The following MAPK8 variants were observed in gnomAD, a reference collection of about 807,000 sequenced individuals.
MAPK8 encodes the protein JUN N-terminal kinase.
In MAPK8, 13 loss-of-function variants were observed where a neutral mutation model predicts 52.9. That is an observed-to-expected ratio of 0.25 (90% CI 0.16 to 0.39). The LOEUF (loss-of-function observed/expected upper bound fraction) is 0.39, where lower values mean the gene tolerates loss of function less well. Ranked by LOEUF, MAPK8 falls within the 10% of genes least tolerant of loss-of-function variation. The pLI is 1.00. For synonymous variants in MAPK8, 191 were observed against 169.8 expected, an observed-to-expected ratio of 1.12 and a Z score of -0.97; for missense variants, 300 against 519.2, an observed-to-expected ratio of 0.58 and a Z score of 4.10.
chr10:48,409,944 G>T lies in MAPK8; in HGVS notation c.311+7G>T, dbSNP rs1474184596. 6.2e-7 allele frequency: 1 copy of T among 1,610,290 alleles called. No homozygotes were observed. Among genetic ancestry groups the T allele is most frequent in the Non-Finnish European group, 8.5e-7 (1 of 1,177,484 alleles). On this transcript the variant is annotated splice_region_variant and intron_variant, in intron 4 of 11. Coordinates refer to ENST00000374189, the MANE Select transcript of MAPK8 (RefSeq NM_001323329.2). ...TAGAAGAATTTCAAGATGTGTAAGT[G>T]TAATAATTAAAATTTTGTTAAGTTA...
intron 3 of MAPK8, among the ~76,000 whole-genome samples, chr10:48,407,476 A>C (rs117253349): frequency 0.01 from 1,566 of 152,346 alleles, 18 homozygotes; most frequent in Non-Finnish European, 0.016. Flanking sequence ...CTTCTTTTGA[A>C]GTAGTTATAT....
intron 1 of MAPK8, among the ~76,000 whole-genome samples, chr10:48,372,738 G>T (rs893005695): frequency 1.3e-5 from 2 of 151,994 alleles, no homozygotes; most frequent in African/African-American, 4.8e-5. Flanking sequence ...TATGTGAAAA[G>T]ACCAAATCTA....
At chr10:48,323,064 C>T (rs1331391250) in intron 1 of MAPK8, among the ~76,000 whole-genome samples, 1 of 151,858 alleles carries the variant, frequency 6.6e-6, no homozygotes, top group East Asian at 1.9e-4. Flanking sequence ...TTCAGTTTTT[C>T]CTGAGGGTAA....
At chr10:48,386,424 T>C (rs997894741) in intron 1 of MAPK8, among the ~76,000 whole-genome samples, 2 of 152,234 alleles carry the variant, frequency 1.3e-5, no homozygotes, top group Admixed American at 6.5e-5. Context: ...GGAAATAGTA[T>C]ATTCTTACAA....
At chr10:48,362,620 C>A (rs1847639109) in intron 1 of MAPK8, among the ~76,000 whole-genome samples, 1 of 151,828 alleles carries the variant, frequency 6.6e-6, no homozygotes, top group Admixed American at 6.6e-5. Context: ...AGCGATCTTA[C>A]CACTAATTTA....
intron 10 of MAPK8, among the ~76,000 whole-genome samples, chr10:48,428,012 A>T (rs1208458610): frequency 3.9e-5 from 6 of 152,166 alleles, no homozygotes; most frequent in Non-Finnish European, 7.3e-5. Flanking sequence ...CTGGAAGGAG[A>T]TGTTCTGAGC....
At chr10:48,323,481 A>G (rs1393360158) in intron 1 of MAPK8, among the ~76,000 whole-genome samples, 4 of 152,250 alleles carry the variant, frequency 2.6e-5, no homozygotes, top group African/African-American at 4.8e-5. Context: ...CGCAGCCAGT[A>G]GTATGTAAGG....
In MAPK8 at chr10:48,393,425, A is replaced by G. The variant is rs545807822; in HGVS notation, c.-49-8187A>G. Reference sequence around the variant, plus strand: ...ACCCCTTACATTGTAACCATAGTCAATTAATCATTCTAAGATTCAGTTTCA... The same window carrying G: ...ACCCCTTACATTGTAACCATAGTCAGTTAATCATTCTAAGATTCAGTTTCA... On this transcript the variant is annotated intron_variant, in intron 1 of 11. Transcript: ENST00000374189. Among the ~76,000 whole-genome samples, 7 of 152,286 alleles carry G rather than the reference A, an allele frequency of 4.6e-5. No individual in the cohort carries two copies. In the South Asian group the frequency reaches 1.5e-3, roughly 32 times the overall value.
intron 10 of MAPK8, chr10:48,430,096 T>C (rs2044069391): frequency 6.6e-6 from 1 of 152,332 alleles, no homozygotes; most frequent in East Asian, 1.9e-4. Context: ...TTGTTTGTTT[T>C]TGTTTTTTTG....
intron 3 of MAPK8, among the ~76,000 whole-genome samples, chr10:48,409,530 G>A (rs1470306892): frequency 6.6e-6 from 1 of 152,276 alleles, no homozygotes; most frequent in African/African-American, 2.4e-5. Context: ...AAAGGGCTGA[G>A]ATTATATAGA....
At chr10:48,348,721 C>G (rs571303783) in intron 1 of MAPK8, among the ~76,000 whole-genome samples, 6 of 152,032 alleles carry the variant, frequency 3.9e-5, no homozygotes, top group Non-Finnish European at 7.4e-5. Flanking sequence ...ATTTCTGAGG[C>G]CTCTGTTCTG....
intron 1 of MAPK8, among the ~76,000 whole-genome samples, chr10:48,338,822 GACAC>G (rs60922989): frequency 1.3e-4 from 19 of 151,454 alleles, no homozygotes; most frequent in Admixed American, 5.3e-4. Flanking sequence ...ATTTACAATA[GACAC>G]ACACAAACAC....
chr10:48,424,280 C>A, intron 7 of MAPK8, 121 bp downstream of exon 7: 1 of 920,814 alleles, frequency 1.1e-6, no homozygotes, highest in Non-Finnish European at 1.6e-6. Context: ...AAGTTTGTGG[C>A]TATTATAGTT....
At chr10:48,336,099 A>G (rs557007735) in intron 1 of MAPK8, among the ~76,000 whole-genome samples, 1 of 152,310 alleles carries the variant, frequency 6.6e-6, no homozygotes, top group African/African-American at 2.4e-5. Flanking sequence ...TTGACGGTCA[A>G]GATTTATGTA....
intron 10 of MAPK8, among the ~76,000 whole-genome samples, chr10:48,429,257 C>T (rs2043968652): frequency 6.6e-6 from 1 of 152,146 alleles, no homozygotes; most frequent in South Asian, 2.1e-4. Context: ...TGTACAGCAC[C>T]ATTGGTTATA....
rs568887073 is a variant in MAPK8 at position 48,428,088 on chromosome 10, C to G, written c.1060+945C>G. Among the ~76,000 whole-genome samples, 3 of 152,198 alleles carry G rather than the reference C, an allele frequency of 2.0e-5. No individual in the cohort carries two copies. In the East Asian group the frequency reaches 5.8e-4, roughly 29 times the overall value. ...AAATGGTAGTAGTGTACACTTCCGTCCATGTTATATAGGAGTCTCTCTTTG... is the reference window on the plus strand; with the variant it reads ...AAATGGTAGTAGTGTACACTTCCGTGCATGTTATATAGGAGTCTCTCTTTG... On this transcript the variant is annotated intron_variant, in intron 10 of 11. Coordinates refer to ENST00000374189, the MANE Select transcript of MAPK8 (RefSeq NM_001323329.2).
At chr10:48,366,731 C>A (rs1459673818) in intron 1 of MAPK8, among the ~76,000 whole-genome samples, 1 of 152,130 alleles carries the variant, frequency 6.6e-6, no homozygotes, top group Non-Finnish European at 1.5e-5. Context: ...CATGGCCCAT[C>A]GGTGTGTTGG....
chr10:48,434,866 T>G lies in MAPK8; in HGVS notation c.1139-18T>G, dbSNP rs1465390848. On this transcript the variant is annotated intron_variant, in intron 11 of 11. Transcript: ENST00000374189. ...AGCTGTCTGCAACTGATTTGCTGTT[T>G]TGTTTCTCATAGCACAGGTGCAGCA... The G allele has an allele frequency of 1.9e-6, 3 of 1,590,864 alleles. No individual in the cohort carries two copies. Among genetic ancestry groups the G allele is most frequent in the East Asian group, 2.3e-5 (1 of 43,610 alleles).
chr10:48,325,336 A>T (rs1843408876), intron 1 of MAPK8, among the ~76,000 whole-genome samples: 1 of 152,242 alleles, frequency 6.6e-6, no homozygotes, highest in Non-Finnish European at 1.5e-5. Flanking sequence ...TCTTCCTAAC[A>T]AGATGAGATA....
Sources: gnomAD v4.1 joint callset for allele counts (sites outside exome capture counted in the v4.1 genomes callset) on GRCh38, gnomAD v4.1.1 for gene constraint, MANE v1.5 for transcripts, NCBI Gene and HGNC (gene_info 2026-07-23, HGNC 2026-07-21) for gene names.